Variants in ABTB3 observed in about 807,000 individuals in gnomAD.
ABTB3 encodes the protein ankyrin repeat and BTB domain containing 3.
chr12:107,401,346 G>C, the ABTB3 span, among the ~76,000 whole-genome samples: 30 of 152,312 alleles, frequency 2.0e-4, no homozygotes, highest in African/African-American at 6.7e-4. Flanking sequence ...TCGGATGTCA[G>C]ACTCCATCCT....
chr12:107,388,449 C>A, the ABTB3 span, among the ~76,000 whole-genome samples: 1 of 151,714 alleles, frequency 6.6e-6, no homozygotes, highest in Non-Finnish European at 1.5e-5. Flanking sequence ...TCTCTTTCTA[C>A]CATTTTCTCC....
the ABTB3 span, among the ~76,000 whole-genome samples, chr12:107,516,048 T>C: frequency 7.9e-6 from 1 of 126,604 alleles, no homozygotes; most frequent in East Asian, 2.3e-4. Flanking sequence ...TGTGTGTGTG[T>C]GTGTGTGCGC....
chr12:107,501,386 T>TA, the ABTB3 span, among the ~76,000 whole-genome samples: 42,494 of 121,460 alleles, frequency 0.35, 6,493 homozygotes, highest in East Asian at 0.47. Flanking sequence ...ATGCTCCCAG[T>TA]AAAAAAAAAA....
chr12:107,487,750 A>G, the ABTB3 span, among the ~76,000 whole-genome samples: 3 of 152,208 alleles, frequency 2.0e-5, no homozygotes, highest in Non-Finnish European at 4.4e-5. Context: ...ACCATAAAGA[A>G]TCATTGCCAG....
chr12:107,657,629 G>A, the ABTB3 span: 150,110 of 1,613,918 alleles, frequency 0.093, 7,884 homozygotes, highest in African/African-American at 0.16. Flanking sequence ...TGAAGGGACC[G>A]GCCAGGATGT....
At chr12:107,543,827 T>C in the ABTB3 span, 1 of 1,029,722 alleles carries the variant, frequency 9.7e-7, no homozygotes, top group Non-Finnish European at 1.4e-6. Context: ...AACCACTTTA[T>C]TTAAATAAGG....
chr12:107,580,823 T>G, the ABTB3 span: 174 of 1,529,684 alleles, frequency 1.1e-4, no homozygotes, highest in Middle Eastern at 2.7e-3. Context: ...CTCATCCTTA[T>G]GTTCACATGA....
the ABTB3 span, among the ~76,000 whole-genome samples, chr12:107,556,783 G>C: frequency 1.3e-5 from 2 of 152,026 alleles, no homozygotes; most frequent in African/African-American, 2.4e-5. Context: ...GGCTAAGGTG[G>C]GTGGATCACC....
At chr12:107,565,183 C>T in the ABTB3 span, among the ~76,000 whole-genome samples, 172 of 152,304 alleles carry the variant, frequency 1.1e-3, 1 homozygote, top group African/African-American at 4.0e-3. Context: ...GCACTGAGCA[C>T]GTATGCAGGA....
the ABTB3 span, among the ~76,000 whole-genome samples, chr12:107,473,205 G>C: frequency 9.2e-5 from 14 of 152,280 alleles, no homozygotes; most frequent in African/African-American, 2.2e-4. Flanking sequence ...AATGCGTACA[G>C]CCCAGTGCCT....
the ABTB3 span, among the ~76,000 whole-genome samples, chr12:107,457,820 C>T: frequency 1.3e-5 from 2 of 152,196 alleles, no homozygotes; most frequent in Non-Finnish European, 2.9e-5. Context: ...CGCAAATGTT[C>T]ACGCTGCAGG....
chr12:107,456,883 C>A, the ABTB3 span, among the ~76,000 whole-genome samples: 1 of 151,030 alleles, frequency 6.6e-6, no homozygotes, highest in South Asian at 2.1e-4. Context: ...CTTTTTGAGA[C>A]AGAGTTTCGC....
At chr12:107,617,000 T>C in the ABTB3 span, 1 of 1,338,762 alleles carries the variant, frequency 7.5e-7, no homozygotes, top group Non-Finnish European at 1.1e-6. Context: ...GAAGGAGTGC[T>C]GGCATCTCAC....
chr12:107,350,423 G>A, the ABTB3 span, among the ~76,000 whole-genome samples: 2 of 152,124 alleles, frequency 1.3e-5, no homozygotes, highest in Non-Finnish European at 1.5e-5. Flanking sequence ...CGTGGTGGGG[G>A]GCGCCGGTAG....
chr12:107,376,070 G>C, the ABTB3 span, among the ~76,000 whole-genome samples: 1 of 152,204 alleles, frequency 6.6e-6, no homozygotes, highest in Non-Finnish European at 1.5e-5. Context: ...CCTTCTACCA[G>C]GATGGTGTCC....
the ABTB3 span, among the ~76,000 whole-genome samples, chr12:107,339,778 T>A: frequency 6.6e-6 from 1 of 152,074 alleles, no homozygotes; most frequent in Admixed American, 6.6e-5. Context: ...AGCTTCTGAG[T>A]GTGGGTTGAG....
the ABTB3 span, among the ~76,000 whole-genome samples, chr12:107,358,873 T>C: frequency 7.9e-5 from 12 of 152,228 alleles, no homozygotes; most frequent in African/African-American, 2.9e-4. Flanking sequence ...ATTACAGGCA[T>C]GAACCACTGC....
the ABTB3 span, among the ~76,000 whole-genome samples, chr12:107,409,539 G>T: frequency 1.3e-5 from 2 of 152,238 alleles, no homozygotes; most frequent in African/African-American, 4.8e-5. Flanking sequence ...AAAGGAATGA[G>T]ATCATGTCCT....
chr12:107,627,555 C>T, the ABTB3 span, among the ~76,000 whole-genome samples: 2,643 of 152,312 alleles, frequency 0.017, 93 homozygotes, highest in African/African-American at 0.06. Context: ...CACTCTGCTC[C>T]GTTTCAGGGT....
Sources: gnomAD v4.1 joint callset for allele counts (sites outside exome capture counted in the v4.1 genomes callset) on GRCh38, gnomAD v4.1.1 for gene constraint, MANE v1.5 for transcripts, NCBI Gene and HGNC (gene_info 2026-07-23, HGNC 2026-07-21) for gene names.